LRRC8B: variants seen among roughly 807,000 people sequenced by gnomAD.
LRRC8B encodes the protein leucine rich repeat containing 8 VRAC subunit B, also known as volume-regulated anion channel subunit LRRC8B.
Under a neutral mutation model 58.8 loss-of-function variants are expected in LRRC8B, and 23 were observed. That is an observed-to-expected ratio of 0.39 (90% CI 0.28 to 0.55). The LOEUF (loss-of-function observed/expected upper bound fraction) is 0.55, where lower values mean the gene tolerates loss of function less well. Ranked by LOEUF, LRRC8B falls within the 20% of genes least tolerant of loss-of-function variation. The pLI, the probability that LRRC8B is intolerant of heterozygous loss-of-function variation, is 0.62. For synonymous variants in LRRC8B, 359 were observed against 374.1 expected (o/e 0.96, Z 0.47); for missense variants, 694 against 936.0 (o/e 0.74, Z 3.37).
At chr1:89,591,152 T>C (rs1444322850) in intron 5 of LRRC8B, among the ~76,000 whole-genome samples, 1 of 152,232 alleles carries the variant, frequency 6.6e-6, no homozygotes, top group African/African-American at 2.4e-5. Context: ...GCCTGGCACA[T>C]TAGAAGGCAC....
intron 3 of LRRC8B, among the ~76,000 whole-genome samples, chr1:89,574,319 A>G (rs906782792): frequency 1.3e-4 from 20 of 152,242 alleles, no homozygotes; most frequent in Admixed American, 1.2e-3. Flanking sequence ...CAAAACAAAA[A>G]TTGGTACCTA....
At chr1:89,527,530 G>T (rs1340213177) in intron 1 of LRRC8B, among the ~76,000 whole-genome samples, 1 of 152,210 alleles carries the variant, frequency 6.6e-6, no homozygotes, top group Non-Finnish European at 1.5e-5. Flanking sequence ...AGAGGAATTT[G>T]GGAGACCCAG....
At chr1:89,588,630 G>A (rs1430546865) in intron 5 of LRRC8B, among the ~76,000 whole-genome samples, 2 of 152,216 alleles carry the variant, frequency 1.3e-5, no homozygotes, top group Non-Finnish European at 2.9e-5. Context: ...GGTGAGACTT[G>A]AGCTTGAAAG....
At chr1:89,533,385 C>T (rs1650282556) in intron 1 of LRRC8B, among the ~76,000 whole-genome samples, 2 of 152,200 alleles carry the variant, frequency 1.3e-5, no homozygotes, top group African/African-American at 4.8e-5. Flanking sequence ...AGTGTGCAGT[C>T]ATACCCCCAT....
intron 4 of LRRC8B, among the ~76,000 whole-genome samples, 158 bp from the exon 5 acceptor site, chr1:89,582,467 C>T (rs1654303589): frequency 6.6e-6 from 1 of 152,150 alleles, no homozygotes; most frequent in Non-Finnish European, 1.5e-5. Flanking sequence ...TCAAATGAAA[C>T]CAGAAGACTT....
In LRRC8B at chr1:89,583,007, G is replaced by T; in HGVS notation, c.357G>T (p.Lys119Asn). The change falls in exon 5 of 6, where the codon AAG becomes AAT. Residue 119 changes from lysine (K) to asparagine (N), a missense_variant. Around this residue, in one of 5 missense-constraint regions of LRRC8B, gnomAD observed 316 missense variants for 403.8 expected, o/e 0.78. Coordinates refer to ENST00000330947, the MANE Select transcript of LRRC8B (RefSeq NM_001369817.2). This position sits in a 1 kb window ranked among gnomAD's most constrained non-coding sequence, Gnocchi z 5.2. ...CYEKQLHWFA[K>N]FFPYLVLLHT... The stretch of plus-strand genomic sequence containing the variant: ...AGAAACAGCTCCATTGGTTTGCAAA[G>T]TTTTTCCCCTATCTGGTGCTCTTGC... The T allele has an allele frequency of 1.2e-6, 2 of 1,614,156 alleles. No individual in the cohort carries two copies.
intron 3 of LRRC8B, among the ~76,000 whole-genome samples, chr1:89,574,053 T>C (rs191813232): frequency 6.6e-6 from 1 of 152,354 alleles, no homozygotes; most frequent in East Asian, 1.9e-4. Flanking sequence ...GATCTTAGTC[T>C]CTTGCTATGA....
chr1:89,572,240 G>A (rs922285081), intron 3 of LRRC8B, among the ~76,000 whole-genome samples: 3 of 152,124 alleles, frequency 2.0e-5, no homozygotes, highest in Non-Finnish European at 4.4e-5. Context: ...TTCATTGTAG[G>A]CGACCTGACC....
intron 1 of LRRC8B, among the ~76,000 whole-genome samples, chr1:89,541,316 A>G (rs1015135227): frequency 3.3e-5 from 5 of 152,170 alleles, no homozygotes; most frequent in Admixed American, 6.5e-5. Flanking sequence ...TGTTCTCTAA[A>G]ACCTCCTGGG....
intron 1 of LRRC8B, among the ~76,000 whole-genome samples, chr1:89,556,530 G>T (rs1448990938): frequency 6.6e-6 from 1 of 152,002 alleles, no homozygotes; most frequent in African/African-American, 2.4e-5. Flanking sequence ...CAGTCTTGTA[G>T]AATGGAGCCC....
intron 3 of LRRC8B, among the ~76,000 whole-genome samples, chr1:89,576,547 G>A (rs530904712): frequency 6.6e-6 from 1 of 152,264 alleles, no homozygotes; most frequent in East Asian, 1.9e-4. Flanking sequence ...GTGGTCCTTG[G>A]ACCAGCAGCA....
At chr1:89,585,844 A>G (rs1654586907) in intron 5 of LRRC8B, among the ~76,000 whole-genome samples, 1 of 152,088 alleles carries the variant, frequency 6.6e-6, no homozygotes. Flanking sequence ...AAGAAAATGT[A>G]TTATCTTTTA....
chr1:89,559,479 T>TA (rs1214347486), intron 1 of LRRC8B, among the ~76,000 whole-genome samples: 1 of 151,388 alleles, frequency 6.6e-6, no homozygotes, highest in Non-Finnish European at 1.5e-5. Flanking sequence ...ACAAAAAAAT[T>TA]AAAAAATAGC....
At chr1:89,544,511 A>G (rs1276452426) in intron 1 of LRRC8B, among the ~76,000 whole-genome samples, 2 of 152,140 alleles carry the variant, frequency 1.3e-5, no homozygotes, top group Non-Finnish European at 2.9e-5. Flanking sequence ...TCCTTTTCCT[A>G]TGTTGGCCTA....
chr1:89,526,213 T>A (rs1305186756), intron 1 of LRRC8B, among the ~76,000 whole-genome samples: 1 of 152,178 alleles, frequency 6.6e-6, no homozygotes, highest in South Asian at 2.1e-4. Flanking sequence ...GCTCTTTGTT[T>A]TGTTTCTTTG....
At chr1:89,585,211 A>C (rs1570645726) in intron 5 of LRRC8B, among the ~76,000 whole-genome samples, 1 of 152,290 alleles carries the variant, frequency 6.6e-6, no homozygotes, top group East Asian at 1.9e-4. Context: ...TCTTGTTCTA[A>C]AATGCTGGGA....
chr1:89,530,755 C>T (rs1008426321), intron 1 of LRRC8B, among the ~76,000 whole-genome samples: 6 of 152,148 alleles, frequency 3.9e-5, no homozygotes, highest in Non-Finnish European at 7.4e-5. Context: ...CTTCTCAAAG[C>T]GGGTGGACAA....
chr1:89,536,363 G>C (rs1650530678), intron 1 of LRRC8B, among the ~76,000 whole-genome samples: 1 of 152,260 alleles, frequency 6.6e-6, no homozygotes, highest in East Asian at 1.9e-4. Flanking sequence ...CTTTTCACAG[G>C]TGTATTATTT....
intron 1 of LRRC8B, among the ~76,000 whole-genome samples, chr1:89,543,394 T>C (rs1373151747): frequency 6.6e-6 from 1 of 152,226 alleles, no homozygotes; most frequent in East Asian, 1.9e-4. Context: ...TTTTCTGTTG[T>C]GCATGAAGGT....
Sources: allele counts gnomAD v4.1 joint callset (sites outside exome capture counted in the v4.1 genomes callset), GRCh38; gene constraint gnomAD v4.1.1; regional missense constraint gnomAD v4.1.1; non-coding constraint Gnocchi (gnomAD v3.1); transcripts MANE v1.5; gene names NCBI Gene and HGNC (gene_info 2026-07-23, HGNC 2026-07-21).